The following ZNF274 variants were observed in gnomAD, a reference collection of about 807,000 sequenced individuals.
The protein encoded by ZNF274 is zinc finger protein 274, also known as neurotrophin receptor-interacting factor homolog.
ZNF274 carries 23 observed loss-of-function variants against 42.5 expected under a neutral mutation model. The ratio of observed to expected loss-of-function variants is 0.54; its 90% CI spans 0.39 to 0.77. ZNF274 has a LOEUF of 0.77. ZNF274 is among the 30% of genes least tolerant of loss of function. The pLI, the probability that ZNF274 is intolerant of heterozygous loss-of-function variation, is 0.00. For missense variants in ZNF274, 679 were observed against 806.5 expected, an observed-to-expected ratio of 0.84 and a Z score of 1.91; for synonymous variants, 292 against 305.4, an observed-to-expected ratio of 0.96 and a Z score of 0.46.
Position 58,207,567 on chromosome 19 carries a change from A to G in ZNF274, c.739+365A>G, listed in dbSNP as rs1325374310. Among the ~76,000 whole-genome samples the G allele has an allele frequency of 3.3e-5, 5 of 152,176 alleles. No individual in the cohort carries two copies. Among genetic ancestry groups the G allele is most frequent in the Non-Finnish European group, 7.4e-5 (5 of 68,022 alleles). On this transcript the variant is annotated intron_variant, in intron 5 of 7. Transcript: ENST00000617501. The surrounding 1 kb of genome is among the most constrained non-coding windows in gnomAD (Gnocchi z 5.6). The stretch of plus-strand genomic sequence containing the variant: ...TTGACAAATGAGAATGCATAGAAAA[A>G]TGCTGGGACTATGAGGAGCTCGAGG...
chr19:58,213,014 G>A lies in ZNF274; in HGVS notation c.1833G>A (p.Arg611=), dbSNP rs1015224. 42,259 of 1,613,944 alleles carry A rather than the reference G, an allele frequency of 0.026. 1,127 individuals carry two copies. The highest frequency in any genetic ancestry group is 0.14 in the Admixed American group (8,173 of 60,014). The stretch of plus-strand genomic sequence containing the variant: ...GCTCCCACCTCATCAGACATCAGAG[G>A]ACTCACACCGGGGAGCGCCCATATG... ...RQSSHLIRHQ[R]THTGERPYAC... is the part of the protein sequence containing the mutation. Residue 611 remains arginine, a synonymous_variant, in exon 8 of 8, where the codon AGG becomes AGA. Transcript: ENST00000617501.
chr19:58,185,763 G>A lies in ZNF274; in HGVS notation c.85G>A (p.Gly29Arg). The change falls in exon 3 of 8, where the codon GGA becomes AGA. Residue 29 changes from glycine to arginine, a missense_variant. By Grantham distance (125) the Gly-to-Arg change is moderately radical. Around this residue, in one of 2 missense-constraint regions of ZNF274, gnomAD observed 223 missense variants for 216.4 expected, o/e 1.03. Transcript: ENST00000617501. Reference protein sequence around the residue: ...VTLGFTPEEWGLLDLKQKSLY... With the variant: ...VTLGFTPEEWRLLDLKQKSLY... ...ACTGGGTTTTACCCCGGAAGAGTGGGGACTGCTGGACCTCAAACAGAAGTC... is the reference window on the plus strand; with the variant it reads ...ACTGGGTTTTACCCCGGAAGAGTGGAGACTGCTGGACCTCAAACAGAAGTC... 6.9e-7 allele frequency: 1 copy of A among 1,459,190 alleles called. No individual in the cohort carries two copies. The highest frequency in any genetic ancestry group is 9.1e-7 in the Non-Finnish European group (1 of 1,098,602). 90.4% of individuals were successfully genotyped at this position (1,459,190 alleles called of 1,614,324 possible).
intron 2 of ZNF274, 98 bp from the exon 3 acceptor site, chr19:58,185,614 G>A: frequency 7.6e-7 from 1 of 1,309,968 alleles, no homozygotes; most frequent in Non-Finnish European, 9.9e-7. Flanking sequence ...TCATCTTGTA[G>A]ACCATTCTGT....
chr19:58,207,165 C>T lies in ZNF274; in HGVS notation c.702C>T (p.Ala234=). ...QHPENCQEVV[A]LVEGVTWMSE... is the part of the protein sequence containing the mutation. ...CAGAGAACTGCCAAGAGGTGGTGGCCCTGGTAGAGGGTGTGACCTGGATGT... is the reference window on the plus strand; with the variant it reads ...CAGAGAACTGCCAAGAGGTGGTGGCTCTGGTAGAGGGTGTGACCTGGATGT... The change falls in exon 5 of 8, where the codon GCC becomes GCT. Residue 234 remains alanine (A), a synonymous_variant. Transcript: ENST00000617501. This position sits in a 1 kb window ranked among gnomAD's most constrained non-coding sequence, Gnocchi z 5.6. 6.2e-7 allele frequency: 1 copy of T among 1,612,898 alleles called. No individual in the cohort carries two copies. The highest frequency in any genetic ancestry group is 1.7e-5 in the Admixed American group (1 of 59,830).
chr19:58,209,915 G>A (rs1216017541), intron 5 of ZNF274, 46 bp from the exon 6 acceptor site: 2 of 1,474,738 alleles, frequency 1.4e-6, no homozygotes, highest in Non-Finnish European at 1.9e-6. Context: ...CCCTGCCTAA[G>A]GGTCCCCACA....
intron 4 of ZNF274, among the ~76,000 whole-genome samples, chr19:58,190,155 T>C (rs941111391): frequency 1.3e-5 from 2 of 149,638 alleles, no homozygotes; most frequent in Non-Finnish European, 1.5e-5. Flanking sequence ...CTCTCTCTTT[T>C]TTTTTTTTTT....
In ZNF274 at chr19:58,185,714, A is replaced by G. The variant is rs1263921700; in HGVS notation, c.36A>G (p.Glu12=). Residue 12 remains glutamate (E), a splice_region_variant and synonymous_variant, in exon 3 of 8, where the codon GAA becomes GAG. Transcript: ENST00000617501. ...ASRLPTAWSC[E]PVTFEDVTLG... ...TGAACAAGAATCTGGATTTTTAGGAACCAGTGACCTTTGAAGATGTAACAC... is the reference window on the plus strand; with the variant it reads ...TGAACAAGAATCTGGATTTTTAGGAGCCAGTGACCTTTGAAGATGTAACAC... The G allele has an allele frequency of 1.4e-6, 2 of 1,440,522 alleles. No individual in the cohort carries two copies. The highest frequency in any genetic ancestry group is 1.8e-6 in the Non-Finnish European group (2 of 1,091,342). 89.2% of individuals were successfully genotyped at this position (1,440,522 alleles called of 1,614,324 possible). A position where few individuals can be genotyped will look rare whatever the true frequency, so the allele number is the denominator to read the frequency against.
In ZNF274 at chr19:58,212,626, A is replaced by G; in HGVS notation, c.1445A>G (p.Asn482Ser). 3.7e-6 allele frequency: 6 copies of G among 1,614,044 alleles called. No homozygotes were observed. Among genetic ancestry groups the G allele is most frequent in the Non-Finnish European group, 5.1e-6 (6 of 1,179,888 alleles). ...SCERQKAKEG[N>S]GCRKTFSRST... ...GAAAGGCAAAAGGCCAAGGAAGGCA[A>G]TGGTTGTAGGAAAACCTTCAGTCGG... Residue 482 changes from asparagine (N) to serine (S), a missense_variant, in exon 8 of 8, where the codon AAT becomes AGT. By Grantham distance (46) the Asn-to-Ser change is conservative (BLOSUM62 1). Around this residue, in one of 2 missense-constraint regions of ZNF274, gnomAD observed 456 missense variants for 590.1 expected, o/e 0.77. Coordinates refer to ENST00000617501, the MANE Select transcript of ZNF274 (RefSeq NM_133502.3). The surrounding 1 kb of genome is among the most constrained non-coding windows in gnomAD (Gnocchi z 4.6).
Position 58,213,363 on chromosome 19 carries a change from C to T in ZNF274, c.*220C>T. ...TCATTTGGAAAAAAGATTTCCCATT[C>T]ACTTGATATTGTTTGTTCACTCATT... is the stretch of plus-strand genomic sequence containing the variant. On this transcript the variant is annotated 3_prime_UTR_variant, in exon 8 of 8. Transcript: ENST00000617501. 1 of 501,398 alleles carries T rather than the reference C, an allele frequency of 2.0e-6. No homozygotes were observed. Among genetic ancestry groups the T allele is most frequent in the Non-Finnish European group, 3.4e-6 (1 of 297,712 alleles). The allele number at this position is 501,398 out of a possible 1,614,324, so 31.1% of individuals were successfully genotyped here.
Position 58,206,731 on chromosome 19 carries a change from C to T in ZNF274, c.268C>T (p.Leu90Phe). The change falls in exon 5 of 8, where the codon CTC becomes TTC. Residue 90 changes from leucine to phenylalanine, a missense_variant. Leu to Phe is a conservative substitution (Grantham distance 22). Around this residue, in one of 2 missense-constraint regions of ZNF274, gnomAD observed 223 missense variants for 216.4 expected, o/e 1.03. Transcript: ENST00000617501. ...PQDTIPEYPE[L>F]QLDPKLDPLP... ...CTTTTGACTTACAGAGTATCCTGAG[C>T]TCCAGCTGGACCCTAAATTGGATCC... 6.3e-7 allele frequency: 1 copy of T among 1,581,154 alleles called. No homozygotes were observed. Among genetic ancestry groups the T allele is most frequent in the Non-Finnish European group, 8.6e-7 (1 of 1,163,598 alleles).
intron 5 of ZNF274, chr19:58,209,142 C>G (rs753651797): frequency 2.6e-5 from 4 of 152,230 alleles, no homozygotes; most frequent in Non-Finnish European, 4.4e-5. Flanking sequence ...TCATTCTTAC[C>G]TCTTCTGCCC....
chr19:58,189,874 C>T (rs1462315086), intron 4 of ZNF274, among the ~76,000 whole-genome samples: 1 of 152,092 alleles, frequency 6.6e-6, no homozygotes, highest in Non-Finnish European at 1.5e-5. Context: ...CCTGTAATCC[C>T]AGCACTTTGG....
intron 4 of ZNF274, among the ~76,000 whole-genome samples, chr19:58,191,496 C>T (rs975697395): frequency 6.6e-5 from 10 of 152,324 alleles, no homozygotes; most frequent in South Asian, 2.1e-4. Context: ...TGTGACAAGT[C>T]TGCGTTTCAT....
chr19:58,204,655 G>A (rs2075961024), intron 4 of ZNF274, among the ~76,000 whole-genome samples: 1 of 152,122 alleles, frequency 6.6e-6, no homozygotes, highest in African/African-American at 2.4e-5. Flanking sequence ...TTTCTGCGCT[G>A]TAATAATCAC....
chr19:58,198,365 GTACT>G (rs1253189603), intron 4 of ZNF274, among the ~76,000 whole-genome samples: 5 of 152,132 alleles, frequency 3.3e-5, no homozygotes, highest in African/African-American at 1.2e-4. Context: ...CCACATGTGT[GTACT>G]TAAAGTATAT....
At chr19:58,196,744 A>T (rs1411328511) in intron 4 of ZNF274, among the ~76,000 whole-genome samples, 1 of 152,174 alleles carries the variant, frequency 6.6e-6, no homozygotes, top group Non-Finnish European at 1.5e-5. Flanking sequence ...CCATTCTTTT[A>T]TCCAAGAATA....
At chr19:58,192,907 G>T (rs1035756903) in intron 4 of ZNF274, among the ~76,000 whole-genome samples, 3 of 151,988 alleles carry the variant, frequency 2.0e-5, no homozygotes, top group African/African-American at 7.3e-5. Flanking sequence ...ATTACGCCTG[G>T]CTAAGTTTTA....
intron 4 of ZNF274, among the ~76,000 whole-genome samples, chr19:58,188,592 T>C (rs1470889537): frequency 8.4e-6 from 1 of 119,318 alleles, no homozygotes; most frequent in Non-Finnish European, 1.6e-5. Context: ...CGTGACAGAG[T>C]GAGACTCCAT....
chr19:58,183,568 G>A, intron 1 of ZNF274, 126 bp downstream of exon 1: 1 of 187,172 alleles, frequency 5.3e-6, no homozygotes, highest in Non-Finnish European at 1.1e-5. Flanking sequence ...GGCCGTGCCT[G>A]CAGTCCTCCC....
Sources: gnomAD v4.1 joint callset for allele counts (sites outside exome capture counted in the v4.1 genomes callset) on GRCh38, gnomAD v4.1.1 for gene constraint, gnomAD v4.1.1 regional missense constraint, Gnocchi (gnomAD v3.1) non-coding constraint, MANE v1.5 for transcripts, NCBI Gene and HGNC (gene_info 2026-07-23, HGNC 2026-07-21) for gene names.